WIF1: variants seen among roughly 807,000 people sequenced by gnomAD.
WIF1 encodes the protein Wnt inhibitory factor 1.
WIF1 carries 35 observed loss-of-function variants against 53.5 expected under a neutral mutation model. The observed-to-expected ratio is 0.65, with a 90% confidence interval of 0.50 to 0.87. The LOEUF (loss-of-function observed/expected upper bound fraction) is 0.87, where lower values mean the gene tolerates loss of function less well. Ranked by LOEUF, WIF1 falls within the 40% of genes least tolerant of loss-of-function variation. The probability of loss-of-function intolerance (pLI) is 0.00; values close to 1 mark genes in which losing one functional copy is unlikely to be tolerated. For missense variants in WIF1, 467 were observed against 476.8 expected (o/e 0.98, Z 0.19); for synonymous variants, 171 against 170.4 (o/e 1.00, Z -0.03).
chr12:65,079,023 G>A (rs1377074048), intron 2 of WIF1, among the ~76,000 whole-genome samples: 1 of 151,988 alleles, frequency 6.6e-6, no homozygotes, highest in East Asian at 1.9e-4. Flanking sequence ...AACTTAGCTG[G>A]GCATGGTCGT....
chr12:65,053,796 T>C (rs1354227610), intron 9 of WIF1, among the ~76,000 whole-genome samples: 1 of 151,862 alleles, frequency 6.6e-6, no homozygotes, highest in African/African-American at 2.4e-5. Context: ...TTGTAAAATA[T>C]AAGCAAAACT....
At chr12:65,081,577 A>G (rs1356921406) in intron 2 of WIF1, among the ~76,000 whole-genome samples, 1 of 152,182 alleles carries the variant, frequency 6.6e-6, no homozygotes, top group Non-Finnish European at 1.5e-5. Context: ...CACTTTACAC[A>G]AAAGTGTCCC....
At chr12:65,058,089 T>A (rs1480714373) in intron 7 of WIF1, among the ~76,000 whole-genome samples, 2 of 57,302 alleles carry the variant, frequency 3.5e-5, no homozygotes, top group African/African-American at 9.1e-5. Context: ...CAAAAGAAGG[T>A]CCTTTTTTTT....
Position 65,120,735 on chromosome 12 carries a change from G to A in WIF1, c.149-179C>T, listed in dbSNP as rs1883588613. Reference sequence around the variant, plus strand: ...TTTCTCTGTGGATGATGAGAATGATGCCAACAGACCCATGCTTTCAGGGAA... The same window carrying A: ...TTTCTCTGTGGATGATGAGAATGATACCAACAGACCCATGCTTTCAGGGAA... On this transcript the variant is annotated intron_variant, in intron 1 of 9. Coordinates refer to ENST00000286574, the MANE Select transcript of WIF1 (RefSeq NM_007191.5). The A allele has an allele frequency of 7.0e-6, 6 of 854,904 alleles. No individual in the cohort carries two copies. The Admixed American group carries it at 1.5e-4, about 22-fold the overall frequency. 53.0% of individuals were successfully genotyped at this position (854,904 alleles called of 1,614,324 possible).
intron 2 of WIF1, among the ~76,000 whole-genome samples, chr12:65,112,461 G>T (rs563286295): frequency 2.0e-5 from 2 of 97,930 alleles, no homozygotes; most frequent in African/African-American, 6.8e-5. Context: ...CCATCCTGGA[G>T]CTGAGACTAA....
At chr12:65,087,412 C>G (rs907357464) in intron 2 of WIF1, among the ~76,000 whole-genome samples, 1 of 151,966 alleles carries the variant, frequency 6.6e-6, no homozygotes, top group Non-Finnish European at 1.5e-5. Flanking sequence ...GCATAGTTAC[C>G]TCCAGGGTTG....
rs1229619395 is a variant in WIF1 at position 65,070,637 on chromosome 12, A to G, written c.398-1733T>C. Among the ~76,000 whole-genome samples, 7 of 152,154 alleles carry G rather than the reference A, an allele frequency of 4.6e-5. No homozygotes were observed. The South Asian group carries it at 8.3e-4, about 18-fold the overall frequency. On this transcript the variant is annotated intron_variant, in intron 3 of 9. Transcript: ENST00000286574. ...GGATACTTAAAGATAGAACTTTCAG[A>G]ATCTTCCTCACTGGACGCCATCATC...
At chr12:65,087,256 C>T (rs1471605085) in intron 2 of WIF1, among the ~76,000 whole-genome samples, 1 of 152,188 alleles carries the variant, frequency 6.6e-6, no homozygotes, top group Non-Finnish European at 1.5e-5. Flanking sequence ...CTCCTTCATG[C>T]ATTTCACATG....
At chr12:65,068,739 C>T (rs775479964) in intron 4 of WIF1, 25 bp downstream of exon 4, 2 of 1,610,470 alleles carry the variant, frequency 1.2e-6, no homozygotes, top group East Asian at 2.2e-5. Context: ...AACATGTCTT[C>T]TCTTGAATCA....
intron 7 of WIF1, among the ~76,000 whole-genome samples, chr12:65,059,239 T>A (rs1337953572): frequency 1.3e-5 from 2 of 152,194 alleles, no homozygotes; most frequent in Non-Finnish European, 2.9e-5. Context: ...TAATTTAAAT[T>A]ATCAGTTTAA....
intron 2 of WIF1, among the ~76,000 whole-genome samples, chr12:65,092,423 C>CAT (rs150009577): frequency 0.2 from 29,113 of 148,548 alleles, 3,129 homozygotes; most frequent in Non-Finnish European, 0.25. Flanking sequence ...CCAGAACATA[C>CAT]ATATATATAT....
At chr12:65,062,664 G>A in intron 6 of WIF1, 88 bp from the exon 7 acceptor site, 2 of 1,157,162 alleles carry the variant, frequency 1.7e-6, no homozygotes, top group South Asian at 1.5e-5. Flanking sequence ...TATTTTTTAG[G>A]CATCTGCTTG....
intron 2 of WIF1, chr12:65,095,733 A>C (rs1883193060): frequency 6.6e-6 from 1 of 152,174 alleles, no homozygotes; most frequent in African/African-American, 2.4e-5. Flanking sequence ...AAAGAAGAAA[A>C]GAAAAGAAGC....
chr12:65,051,463 T>C lies in WIF1; in HGVS notation c.1026A>G (p.Glu342=). The C allele has an allele frequency of 6.3e-7, 1 of 1,594,120 alleles. No individual in the cohort carries two copies. Among genetic ancestry groups the C allele is most frequent in the Non-Finnish European group, 8.5e-7 (1 of 1,171,312 alleles). ...WHGRHCNKRY[E]ASLIHALRPA... ...GCCTCAGGGCATGTATGAGGCTGGC[T>C]TCGTACCCTGCAAAATTATTCACAG... The change falls in exon 10 of 10, where the codon GAA becomes GAG. Residue 342 remains glutamate (E), a synonymous_variant. Transcript: ENST00000286574.
intron 2 of WIF1, among the ~76,000 whole-genome samples, chr12:65,082,317 C>T (rs1489109993): frequency 6.6e-6 from 1 of 152,104 alleles, no homozygotes; most frequent in East Asian, 1.9e-4. Flanking sequence ...AAAAGGAACT[C>T]AGAGCATGAA....
chr12:65,108,573 T>C (rs1339327711), intron 2 of WIF1, among the ~76,000 whole-genome samples: 2 of 152,212 alleles, frequency 1.3e-5, no homozygotes, highest in African/African-American at 4.8e-5. Flanking sequence ...AAGTCATCTC[T>C]ATTCCCTCAT....
At chr12:65,077,081 C>T (rs189284230) in intron 3 of WIF1, among the ~76,000 whole-genome samples, 33 of 152,210 alleles carry the variant, frequency 2.2e-4, no homozygotes, top group African/African-American at 7.7e-4. Flanking sequence ...TAATATTTGA[C>T]TTTGGGCAAG....
At chr12:65,115,882 G>T (rs977742991) in intron 2 of WIF1, among the ~76,000 whole-genome samples, 6 of 152,166 alleles carry the variant, frequency 3.9e-5, no homozygotes, top group Non-Finnish European at 7.4e-5. Context: ...TAAATTCTTT[G>T]GTCTCCATAG....
chr12:65,069,681 C>T (rs1427120716), intron 3 of WIF1, among the ~76,000 whole-genome samples: 1 of 152,058 alleles, frequency 6.6e-6, no homozygotes, highest in African/African-American at 2.4e-5. Context: ...TCAGCCTGTG[C>T]AAGTGTTGAC....
Sources: allele counts gnomAD v4.1 joint callset (sites outside exome capture counted in the v4.1 genomes callset), GRCh38; gene constraint gnomAD v4.1.1; transcripts MANE v1.5; gene names NCBI Gene and HGNC (gene_info 2026-07-23, HGNC 2026-07-21).